Variants in BPTF observed in about 807,000 individuals in gnomAD.
The protein encoded by BPTF is bromodomain PHD finger transcription factor.
Under a neutral mutation model 292.5 loss-of-function variants are expected in BPTF, and 18 were observed. That is an observed-to-expected ratio of 0.06 (90% confidence interval 0.04 to 0.09). BPTF has a LOEUF of 0.09. BPTF is among the 10% of genes least tolerant of loss of function. The pLI is 1.00. For synonymous variants in BPTF, 1,225 were observed against 1,251.9 expected, an observed-to-expected ratio of 0.98 and a Z score of 0.45; for missense variants, 2,726 against 3,498.7, an observed-to-expected ratio of 0.78 and a Z score of 5.57.
At chr17:67,881,572 T>C (rs941300313) in intron 4 of BPTF, among the ~76,000 whole-genome samples, 5 of 146,722 alleles carry the variant, frequency 3.4e-5, no homozygotes, top group African/African-American at 1.0e-4. Flanking sequence ...TGCGATCTTA[T>C]GGCTTACTGC....
intron 18 of BPTF, among the ~76,000 whole-genome samples, chr17:67,939,866 C>T (rs1258635341): frequency 6.6e-6 from 1 of 152,148 alleles, no homozygotes; most frequent in African/African-American, 2.4e-5. Flanking sequence ...GGCGACAGAG[C>T]GAGACTCCGT....
chr17:67,827,745 A>T (rs936431873), intron 1 of BPTF, among the ~76,000 whole-genome samples: 3 of 152,084 alleles, frequency 2.0e-5, no homozygotes, highest in Admixed American at 6.6e-5. Context: ...CCAAATGTGA[A>T]CCCACATAGG....
At chr17:67,960,732 A>T (rs1305335399) in intron 24 of BPTF, among the ~76,000 whole-genome samples, 2 of 152,274 alleles carry the variant, frequency 1.3e-5, no homozygotes, top group African/African-American at 2.4e-5. Context: ...AATTAGAATT[A>T]GGAATGCTTA....
intron 2 of BPTF, among the ~76,000 whole-genome samples, chr17:67,858,470 G>A (rs971899310): frequency 2.0e-5 from 3 of 150,698 alleles, no homozygotes; most frequent in African/African-American, 7.4e-5. Flanking sequence ...CACAGGAATC[G>A]CTTGAACCTA....
chr17:67,902,230 G>T (rs762983167), intron 7 of BPTF, among the ~76,000 whole-genome samples: 29 of 152,098 alleles, frequency 1.9e-4, no homozygotes, highest in Non-Finnish European at 3.2e-4. Context: ...TGAGCTCCTA[G>T]GGTGTCACTG....
intron 12 of BPTF, 51 bp downstream of exon 12, chr17:67,918,889 C>T: frequency 6.3e-7 from 1 of 1,590,878 alleles, no homozygotes; most frequent in Non-Finnish European, 8.6e-7. Context: ...GCTAAAATCA[C>T]AGGCCAGGCG....
intron 10 of BPTF, 63 bp downstream of exon 10, chr17:67,909,824 C>T: frequency 7.4e-7 from 1 of 1,346,936 alleles, no homozygotes; most frequent in Non-Finnish European, 9.8e-7. Context: ...ATCAGGGTCC[C>T]ACCACAGGAA....
At chr17:67,871,028 C>A (rs1436789288) in intron 3 of BPTF, among the ~76,000 whole-genome samples, 2 of 151,960 alleles carry the variant, frequency 1.3e-5, no homozygotes, top group African/African-American at 4.8e-5. Context: ...GCCTCGGCCT[C>A]CCAAAGTGCT....
intron 1 of BPTF, among the ~76,000 whole-genome samples, chr17:67,844,962 C>A (rs962889051): frequency 1.3e-5 from 2 of 152,160 alleles, no homozygotes; most frequent in Admixed American, 6.5e-5. Flanking sequence ...AGGCTGGTCA[C>A]GAACTTCCAA....
intron 7 of BPTF, among the ~76,000 whole-genome samples, chr17:67,895,332 CAAAAAA>C (rs35234780): frequency 1.8e-5 from 1 of 56,654 alleles, no homozygotes; most frequent in African/African-American, 5.5e-5. Flanking sequence ...GACTTCATCT[CAAAAAA>C]AAAAAAAAAA....
Position 67,982,281 on chromosome 17 carries a change from C to G in BPTF, c.8756C>G (p.Ala2919Gly). ...CATAACAACAAACTGCAGTCTACAG[C>G]TTCTTAAAGTTCAGCGTGTTAACCT... Reference protein sequence around the residue: ...RSHNNKLQSTAS With the variant: ...RSHNNKLQSTGS Residue 2919 changes from alanine to glycine, a missense_variant, in exon 28 of 28, where the codon GCT becomes GGT. Physicochemically the swap from Ala to Gly is moderately conservative, Grantham distance 60 (BLOSUM62 0). Coordinates refer to ENST00000306378, the MANE Select transcript of BPTF (RefSeq NM_182641.4). 6.2e-7 allele frequency: 1 copy of G among 1,611,248 alleles called. No homozygotes were observed. The highest frequency in any genetic ancestry group is 2.2e-5 in the East Asian group (1 of 44,836).
chr17:67,961,599 C>G (rs1555684078), intron 24 of BPTF, among the ~76,000 whole-genome samples: 1 of 152,156 alleles, frequency 6.6e-6, no homozygotes, highest in East Asian at 1.9e-4. Flanking sequence ...GTAATCTCAG[C>G]ACTTTGGGAG....
chr17:67,835,211 T>TG (rs2144066028), intron 1 of BPTF, among the ~76,000 whole-genome samples: 1 of 142,156 alleles, frequency 7.0e-6, no homozygotes, highest in East Asian at 3.5e-4. Flanking sequence ...AACCCATCTC[T>TG]TAAAAAAAAA....
intron 23 of BPTF, among the ~76,000 whole-genome samples, chr17:67,957,959 T>G (rs1351805981): frequency 1.3e-5 from 2 of 152,222 alleles, no homozygotes; most frequent in African/African-American, 4.8e-5. Context: ...AGGTTTGCTT[T>G]GATCATTTCC....
intron 11 of BPTF, 129 bp downstream of exon 11, chr17:67,913,316 T>G: frequency 7.2e-7 from 1 of 1,387,276 alleles, no homozygotes. Context: ...CCAAAGATAG[T>G]AATGGAAACA....
Position 67,902,242 on chromosome 17 carries a change from G to A in BPTF, c.2544-1547G>A, listed in dbSNP as rs993831518. ...CTTTGAGCTCCTAGGGTGTCACTGC[G>A]CTGAAGTCCTTCAGACAGTGCTCCA... On this transcript the variant is annotated intron_variant, in intron 7 of 27. Coordinates refer to ENST00000306378, the MANE Select transcript of BPTF (RefSeq NM_182641.4). Among the ~76,000 whole-genome samples the A allele has an allele frequency of 3.3e-5, 5 of 152,120 alleles. 1 individual carries two copies. Among genetic ancestry groups the A allele is most frequent in the Non-Finnish European group, 7.4e-5 (5 of 68,012 alleles).
Position 67,982,462 on chromosome 17 carries a change from C to A in BPTF, c.*174C>A. On this transcript the variant is annotated 3_prime_UTR_variant, in exon 28 of 28. Transcript: ENST00000306378. The stretch of plus-strand genomic sequence containing the variant: ...TTCTTGGCCAATTTTGTCCAACGGA[C>A]AAGAAAAAAGCAAAGTCAACGACAC... The A allele has an allele frequency of 3.1e-5, 15 of 481,396 alleles. No homozygotes were observed. The highest frequency in any genetic ancestry group is 4.3e-5 in the Non-Finnish European group (12 of 276,916). 29.8% of individuals were successfully genotyped at this position (481,396 alleles called of 1,614,324 possible).
chr17:67,947,922 A>G, intron 22 of BPTF, 114 bp downstream of exon 22: 1 of 1,241,914 alleles, frequency 8.1e-7, no homozygotes, highest in Non-Finnish European at 1.1e-6. Context: ...AAATGAGAAC[A>G]CTTGGCACTA....
intron 24 of BPTF, 150 bp from the exon 25 acceptor site, chr17:67,964,062 G>T: frequency 1.3e-6 from 1 of 794,710 alleles, no homozygotes. Flanking sequence ...CTAAATTAAT[G>T]AACTGGAATG....
Sources: allele counts gnomAD v4.1 joint callset (sites outside exome capture counted in the v4.1 genomes callset), GRCh38; gene constraint gnomAD v4.1.1; transcripts MANE v1.5; gene names NCBI Gene and HGNC (gene_info 2026-07-23, HGNC 2026-07-21).